ELOVL4: variants seen among roughly 807,000 people sequenced by gnomAD.
ELOVL4 encodes very long chain fatty acid elongase 4.
In ELOVL4, 18 loss-of-function variants were observed where a neutral mutation model predicts 42.1. The observed-to-expected ratio is 0.43, with a 90% CI of 0.30 to 0.63. The LOEUF (loss-of-function observed/expected upper bound fraction) is 0.63, where lower values mean the gene tolerates loss of function less well. Ranked by LOEUF, ELOVL4 falls within the 30% of genes least tolerant of loss-of-function variation. The pLI is 0.15. For synonymous variants in ELOVL4, 117 were observed against 127.0 expected (o/e 0.92, Z 0.53); for missense variants, 299 against 376.2 (o/e 0.79, Z 1.70).
intron 4 of ELOVL4, among the ~76,000 whole-genome samples, chr6:79,920,848 G>C (rs1774240501): frequency 1.3e-5 from 2 of 152,108 alleles, no homozygotes; most frequent in Non-Finnish European, 2.9e-5. Flanking sequence ...CATGAGGTCA[G>C]GTGTGTAATT....
intron 1 of ELOVL4, among the ~76,000 whole-genome samples, chr6:79,931,224 TAATA>T (rs754760147): frequency 1.3e-5 from 2 of 152,212 alleles, no homozygotes; most frequent in Non-Finnish European, 1.5e-5. Context: ...CTTCATGTGT[TAATA>T]AATTTGCTCT....
At chr6:79,947,089 G>A (rs1483420045) in intron 1 of ELOVL4, 91 bp downstream of exon 1, 11 of 1,050,206 alleles carry the variant, frequency 1.0e-5, no homozygotes, top group East Asian at 2.6e-5. Context: ...GGGCGCGGGG[G>A]CCTGTGGGGC....
In ELOVL4 at chr6:79,947,503, G is replaced by A. The variant is rs1486952169; in HGVS notation, c.-224C>T. ...TCGTCAAGGTTCCCGGGAGAAAGACGAGGAGGTGGAGGAGGCCCAGCCGCC... is the reference window on the plus strand; with the variant it reads ...TCGTCAAGGTTCCCGGGAGAAAGACAAGGAGGTGGAGGAGGCCCAGCCGCC... On this transcript the variant is annotated 5_prime_UTR_variant, in exon 1 of 6. Coordinates refer to ENST00000369816, the MANE Select transcript of ELOVL4 (RefSeq NM_022726.4). 7.0e-6 allele frequency: 4 copies of A among 568,732 alleles called. No homozygotes were observed. The Admixed American group carries it at 8.8e-5, about 13-fold the overall frequency. The allele number at this position is 568,732 out of a possible 1,614,324, so 35.2% of individuals were successfully genotyped here.
chr6:79,921,757 C>T lies in ELOVL4; in HGVS notation c.409G>A (p.Val137Ile), dbSNP rs2127698525. The T allele has an allele frequency of 1.2e-6, 2 of 1,614,074 alleles. No individual in the cohort carries two copies. The highest frequency in any genetic ancestry group is 1.3e-5 in the African/African-American group (1 of 75,042). ...ALWWYFVSKG[V>I]EYLDTVFFIL... ...AAAAACACTGTGTCCAAATACTCAA[C>T]TCCTTTAGATACAAAGTACCACCAC... The change falls in exon 4 of 6, where the codon GTT (valine) becomes ATT (isoleucine). Residue 137 changes from valine (V) to isoleucine (I), a missense_variant. Coordinates refer to ENST00000369816, the MANE Select transcript of ELOVL4 (RefSeq NM_022726.4).
intron 4 of ELOVL4, 85 bp from the exon 5 acceptor site, chr6:79,919,632 A>G: frequency 8.5e-7 from 1 of 1,176,264 alleles, no homozygotes; most frequent in Non-Finnish European, 1.2e-6. Flanking sequence ...ATGAATACAC[A>G]TTATTTTTTA....
chr6:79,931,986 T>G lies in ELOVL4; in HGVS notation c.101-5605A>C, dbSNP rs73471893. ...AGCTCAGGAGCAAAAGCCTTTATTT[T>G]AATTATGAGAATTACTAAGGCACAT... On this transcript the variant is annotated intron_variant, in intron 1 of 5. Coordinates refer to ENST00000369816, the MANE Select transcript of ELOVL4 (RefSeq NM_022726.4). Among the ~76,000 whole-genome samples, 847 of 152,328 alleles carry G rather than the reference T, an allele frequency of 5.6e-3. 6 individuals are homozygous for G. Among genetic ancestry groups the G allele is most frequent in the African/African-American group, 0.02 (816 of 41,578 alleles).
chr6:79,931,394 A>C (rs1774440786), intron 1 of ELOVL4, among the ~76,000 whole-genome samples: 1 of 152,182 alleles, frequency 6.6e-6, no homozygotes, highest in Non-Finnish European at 1.5e-5. Context: ...GTAAAGCAAG[A>C]GCCTCATGTA....
intron 3 of ELOVL4, among the ~76,000 whole-genome samples, chr6:79,923,514 G>A (rs762256050): frequency 3.3e-5 from 5 of 152,128 alleles, no homozygotes; most frequent in African/African-American, 9.7e-5. Flanking sequence ...CCTTCCCTAC[G>A]GCAAGCAAGA....
At chr6:79,929,861 A>G (rs1349633295) in intron 1 of ELOVL4, among the ~76,000 whole-genome samples, 1 of 152,172 alleles carries the variant, frequency 6.6e-6, no homozygotes, top group Non-Finnish European at 1.5e-5. Flanking sequence ...TCTCCCTGAA[A>G]AGAGGGGCTG....
rs1561985677 is a variant in ELOVL4 at position 79,926,394 on chromosome 6, C to CCG, written c.101-14_101-13insCG. 2.5e-6 allele frequency: 4 copies of CCG among 1,610,274 alleles called. No individual in the cohort carries two copies. On this transcript the variant is annotated splice_polypyrimidine_tract_variant and intron_variant, in intron 1 of 5. Transcript: ENST00000369816. ...TCCACACGCTTATCTATAGAGAGAA[C>CCG]AAAATACCATAAAATTCATTAATCA...
At position 79,947,369 on chromosome 6, in the gene ELOVL4, C is replaced by G. The variant is rs62407622; in HGVS notation, c.-90G>C. ...AGGCGGTGGCGGCCGACGGGGCGAG[C>G]GGCGGCCGGGAACCCCTCTAACGGC... On this transcript the variant is annotated 5_prime_UTR_variant, in exon 1 of 6. Coordinates refer to ENST00000369816, the MANE Select transcript of ELOVL4 (RefSeq NM_022726.4). 172,166 of 1,023,640 alleles carry G rather than the reference C, an allele frequency of 0.17. 16,585 individuals are homozygous for G. The highest frequency in any genetic ancestry group is 0.21 in the Middle Eastern group (816 of 3,948). 63.4% of individuals were successfully genotyped at this position (1,023,640 alleles called of 1,614,324 possible).
At chr6:79,935,877 A>C (rs1388980212) in intron 1 of ELOVL4, among the ~76,000 whole-genome samples, 2 of 152,216 alleles carry the variant, frequency 1.3e-5, no homozygotes, top group Non-Finnish European at 2.9e-5. Context: ...TATTCAAAGT[A>C]GAGTCCATGC....
chr6:79,947,360 C>G lies in ELOVL4; in HGVS notation c.-81G>C, dbSNP rs577297974. 8.0e-6 allele frequency: 9 copies of G among 1,120,296 alleles called. No individual in the cohort carries two copies. Among genetic ancestry groups the G allele is most frequent in the South Asian group, 6.5e-5 (5 of 76,808 alleles). The allele number at this position is 1,120,296 out of a possible 1,614,324, so 69.4% of individuals were successfully genotyped here. Reference sequence around the variant, plus strand: ...TGACCCCGGAGGCGGTGGCGGCCGACGGGGCGAGCGGCGGCCGGGAACCCC... The same window carrying G: ...TGACCCCGGAGGCGGTGGCGGCCGAGGGGGCGAGCGGCGGCCGGGAACCCC... On this transcript the variant is annotated 5_prime_UTR_variant, in exon 1 of 6. Transcript: ENST00000369816.
intron 1 of ELOVL4, among the ~76,000 whole-genome samples, chr6:79,944,301 G>A (rs1774699593): frequency 6.6e-6 from 1 of 152,082 alleles, no homozygotes; most frequent in South Asian, 2.1e-4. Flanking sequence ...TACTCATGAA[G>A]TGAAAGAATA....
chr6:79,920,425 A>C (rs182154831), intron 4 of ELOVL4, among the ~76,000 whole-genome samples: 309 of 152,304 alleles, frequency 2.0e-3, no homozygotes, highest in Non-Finnish European at 3.9e-3. Context: ...GGCTATATAA[A>C]ATTTCCTTTG....
At chr6:79,923,386 TGTAA>T (rs10534070) in intron 3 of ELOVL4, among the ~76,000 whole-genome samples, 24,276 of 152,002 alleles carry the variant, frequency 0.16, 2,192 homozygotes, top group South Asian at 0.36. Context: ...AATTTACATC[TGTAA>T]GTGAGAGTGG....
At chr6:79,924,846 TAAAG>T in intron 3 of ELOVL4, 102 bp downstream of exon 3, 1 of 757,968 alleles carries the variant, frequency 1.3e-6, no homozygotes, top group South Asian at 1.5e-5. Context: ...AAATGAATGT[TAAAG>T]AAACTGTCTC....
At position 79,947,316 on chromosome 6, in the gene ELOVL4, G is replaced by A. The variant is rs202106960; in HGVS notation, c.-37C>T. 220 of 1,545,188 alleles carry A rather than the reference G, an allele frequency of 1.4e-4. 1 individual carries two copies. In the African/African-American group the frequency reaches 2.8e-3, roughly 20 times the overall value. ...GCGGGCGCTGGCGGCAGGAGAAAGC[G>A]GAGACCCAGAGAGAGGGCTGACCCC... On this transcript the variant is annotated 5_prime_UTR_variant, in exon 1 of 6. Coordinates refer to ENST00000369816, the MANE Select transcript of ELOVL4 (RefSeq NM_022726.4).
intron 5 of ELOVL4, 72 bp downstream of exon 5, chr6:79,919,348 C>A: frequency 6.5e-7 from 1 of 1,529,578 alleles, no homozygotes; most frequent in Admixed American, 1.7e-5. Flanking sequence ...AATGACATTG[C>A]ACTTTAAAAT....
Sources: gnomAD v4.1 joint callset for allele counts (sites outside exome capture counted in the v4.1 genomes callset) on GRCh38, gnomAD v4.1.1 for gene constraint, MANE v1.5 for transcripts, NCBI Gene and HGNC (gene_info 2026-07-23, HGNC 2026-07-21) for gene names.